The following ROBO2 variants were observed in gnomAD, a reference collection of about 807,000 sequenced individuals.
ROBO2 encodes roundabout homolog 2.
A neutral mutation model predicts 160.8 loss-of-function variants in ROBO2; 53 were observed. The observed-to-expected ratio is 0.33, with a 90% CI of 0.26 to 0.41. ROBO2 has a LOEUF of 0.41. Among genes scored for constraint, ROBO2 ranks in the 10% least tolerant of loss-of-function variants. ROBO2 has a pLI of 1.00. For missense variants in ROBO2, 1,577 were observed against 1,722.4 expected (o/e 0.92, Z 1.49); for synonymous variants, 664 against 611.7 (o/e 1.09, Z -1.26).
intron 21 of ROBO2, among the ~76,000 whole-genome samples, chr3:77,609,664 G>A (rs2094588003): frequency 6.6e-6 from 1 of 151,492 alleles, no homozygotes; most frequent in South Asian, 2.1e-4. Context: ...TTATCTTGCA[G>A]TAGAATTGAA....
chr3:77,078,789 G>A (rs537100244), intron 1 of ROBO2, among the ~76,000 whole-genome samples: 3 of 152,070 alleles, frequency 2.0e-5, no homozygotes, highest in South Asian at 2.1e-4. Flanking sequence ...CCCACACCCC[G>A]CAACTCACCA....
chr3:77,265,003 C>A (rs2059035665), intron 2 of ROBO2, among the ~76,000 whole-genome samples: 1 of 152,034 alleles, frequency 6.6e-6, no homozygotes, highest in Non-Finnish European at 1.5e-5. Context: ...TTGATGATTG[C>A]CCATTTTGCT....
At chr3:76,576,679 TACAGTTTAAA>T in intron 2 of ROBO2, among the ~76,000 whole-genome samples, 4 of 146,016 alleles carry the variant, frequency 2.7e-5, no homozygotes, top group African/African-American at 9.9e-5. Context: ...TTATTATTTT[TACAGTTTAAA>T]TCATTTTCTT....
At chr3:76,044,646 A>G (rs549234967) in intron 2 of ROBO2, among the ~76,000 whole-genome samples, 44 of 152,120 alleles carry the variant, frequency 2.9e-4, no homozygotes, top group Admixed American at 8.5e-4. Context: ...GTGACCAAAA[A>G]TGACAGGTGT....
chr3:76,934,702 C>A (rs537800232), intron 2 of ROBO2, among the ~76,000 whole-genome samples: 1 of 152,086 alleles, frequency 6.6e-6, no homozygotes, highest in African/African-American at 2.4e-5. Flanking sequence ...GATATACCGC[C>A]ACTGCACTCC....
At chr3:76,587,268 T>C (rs1466353376) in intron 2 of ROBO2, among the ~76,000 whole-genome samples, 1 of 152,190 alleles carries the variant, frequency 6.6e-6, no homozygotes, top group Non-Finnish European at 1.5e-5. Flanking sequence ...GGGCTTTTCC[T>C]TTTCCCTTCC....
intron 2 of ROBO2, among the ~76,000 whole-genome samples, chr3:76,935,248 C>A (rs562978167): frequency 1.3e-5 from 2 of 152,298 alleles, no homozygotes; most frequent in Middle Eastern, 3.4e-3. Flanking sequence ...CCACCACACC[C>A]AGCCTAGACT....
At chr3:76,700,740 T>G (rs2093030412) in intron 2 of ROBO2, among the ~76,000 whole-genome samples, 1 of 152,150 alleles carries the variant, frequency 6.6e-6, no homozygotes, top group Non-Finnish European at 1.5e-5. Flanking sequence ...GCCCTTCTAA[T>G]AGTTCAAAAG....
At chr3:77,072,302 A>C (rs546431869) in intron 1 of ROBO2, among the ~76,000 whole-genome samples, 1 of 152,148 alleles carries the variant, frequency 6.6e-6, no homozygotes, top group African/African-American at 2.4e-5. Context: ...ATTTCATTAT[A>C]TATTACAATG....
At chr3:76,332,096 A>G (rs1236968638) in intron 2 of ROBO2, among the ~76,000 whole-genome samples, 1 of 152,230 alleles carries the variant, frequency 6.6e-6, no homozygotes, top group Non-Finnish European at 1.5e-5. Context: ...AATAGGAATC[A>G]TAGATTGTAT....
chr3:77,379,208 A>G (rs956986068), intron 2 of ROBO2, among the ~76,000 whole-genome samples: 1 of 152,092 alleles, frequency 6.6e-6, no homozygotes, highest in Admixed American at 6.5e-5. Flanking sequence ...GGCCTCCCCA[A>G]GTGCTGGGAT....
At chr3:76,205,523 T>G (rs376313839) in intron 2 of ROBO2, among the ~76,000 whole-genome samples, 3 of 152,276 alleles carry the variant, frequency 2.0e-5, no homozygotes, top group South Asian at 2.1e-4. Context: ...TATAGAGGAT[T>G]TGTTTAACTC....
chr3:76,712,760 TA>T (rs1232085993), intron 2 of ROBO2, among the ~76,000 whole-genome samples: 1 of 152,026 alleles, frequency 6.6e-6, no homozygotes, highest in African/African-American at 2.4e-5. Context: ...GGAGCAGCTA[TA>T]AAATCATTTT....
At chr3:76,657,180 C>T (rs1052018876) in intron 2 of ROBO2, among the ~76,000 whole-genome samples, 2 of 151,966 alleles carry the variant, frequency 1.3e-5, no homozygotes, top group African/African-American at 4.8e-5. Flanking sequence ...AATCCCAGCA[C>T]TTTGGGAAGC....
intron 2 of ROBO2, among the ~76,000 whole-genome samples, chr3:76,266,287 A>G (rs1707095462): frequency 6.6e-6 from 1 of 152,194 alleles, no homozygotes; most frequent in Non-Finnish European, 1.5e-5. Flanking sequence ...GAAAGAGAAT[A>G]TAGAAAACTT....
chr3:77,189,479 C>T (rs1381788430), intron 2 of ROBO2, among the ~76,000 whole-genome samples: 1 of 151,858 alleles, frequency 6.6e-6, no homozygotes, highest in Non-Finnish European at 1.5e-5. Flanking sequence ...ACATGCATCA[C>T]TTACAAACAC....
intron 2 of ROBO2, among the ~76,000 whole-genome samples, chr3:76,425,322 C>A (rs576585241): frequency 6.6e-6 from 1 of 152,004 alleles, no homozygotes; most frequent in Non-Finnish European, 1.5e-5. Context: ...AGTTATTCAT[C>A]GTGTATCTGA....
intron 2 of ROBO2, among the ~76,000 whole-genome samples, chr3:77,409,845 T>C (rs1289000534): frequency 6.6e-6 from 1 of 152,172 alleles, no homozygotes; most frequent in Non-Finnish European, 1.5e-5. Flanking sequence ...AAGTGAATAA[T>C]ATGTAACGTA....
At chr3:77,175,327 T>G (rs549761191) in intron 2 of ROBO2, among the ~76,000 whole-genome samples, 1 of 152,060 alleles carries the variant, frequency 6.6e-6, no homozygotes, top group East Asian at 1.9e-4. Flanking sequence ...TCAGAATTAG[T>G]TTGGGTTTTT....
Sources: gnomAD v4.1 joint callset for allele counts (sites outside exome capture counted in the v4.1 genomes callset) on GRCh38, gnomAD v4.1.1 for gene constraint, MANE v1.5 for transcripts, NCBI Gene and HGNC (gene_info 2026-07-23, HGNC 2026-07-21) for gene names.